PDE1A: variants seen among roughly 807,000 people sequenced by gnomAD.
PDE1A encodes dual specificity calcium/calmodulin-dependent 3',5'-cyclic nucleotide phosphodiesterase 1A.
A neutral mutation model predicts 61.7 loss-of-function variants in PDE1A; 35 were observed. That is an observed-to-expected ratio of 0.57 (90% confidence interval 0.43 to 0.75). The LOEUF (loss-of-function observed/expected upper bound fraction) is 0.75. Among genes scored for constraint, PDE1A ranks in the 30% least tolerant of loss-of-function variants. The pLI, the probability that PDE1A is intolerant of heterozygous loss-of-function variation, is 0.00. For synonymous variants in PDE1A, 232 were observed against 213.2 expected, an observed-to-expected ratio of 1.09 and a Z score of -0.77; for missense variants, 597 against 630.6, an observed-to-expected ratio of 0.95 and a Z score of 0.57.
At chr2:182,530,358 A>G in the PDE1A span, among the ~76,000 whole-genome samples, 4 of 151,198 alleles carry the variant, frequency 2.6e-5, no homozygotes, top group Non-Finnish European at 4.4e-5. Flanking sequence ...GGGGGGTGGG[A>G]AAACTCAAAG....
chr2:182,385,267 C>CT (rs1700962117), intron 1 of PDE1A, among the ~76,000 whole-genome samples: 1 of 152,134 alleles, frequency 6.6e-6, no homozygotes, highest in South Asian at 2.1e-4. Flanking sequence ...TCATCATACT[C>CT]TAATACTATA....
At chr2:182,202,118 A>G (rs570153444) in intron 8 of PDE1A, among the ~76,000 whole-genome samples, 12 of 152,292 alleles carry the variant, frequency 7.9e-5, no homozygotes, top group Non-Finnish European at 1.2e-4. Flanking sequence ...AACTTTAGCC[A>G]TTTTAAAGAA....
the PDE1A span, among the ~76,000 whole-genome samples, chr2:182,705,051 T>C: frequency 1.3e-5 from 2 of 152,214 alleles, no homozygotes; most frequent in Non-Finnish European, 2.9e-5. Context: ...GTTCTCTTAC[T>C]TCTGCAACTG....
intron 13 of PDE1A, among the ~76,000 whole-genome samples, chr2:182,179,243 A>G (rs758470526): frequency 1.8e-4 from 27 of 152,218 alleles, no homozygotes; most frequent in Non-Finnish European, 1.8e-4. Flanking sequence ...ATATTTAAAA[A>G]GTATCTGCAC....
chr2:182,513,586 T>G (rs2082136), intron 2 of PDE1A, among the ~76,000 whole-genome samples: 63,648 of 152,036 alleles, frequency 0.42, 13,695 homozygotes, highest in Middle Eastern at 0.54. Flanking sequence ...GATCAAATCT[T>G]CACATATCGA....
chr2:182,700,366 G>A, the PDE1A span, among the ~76,000 whole-genome samples: 1 of 16,500 alleles, frequency 6.1e-5, no homozygotes, highest in Non-Finnish European at 1.2e-4. Context: ...GAGGTCAGGA[G>A]TGAGTTCGAG....
At chr2:182,657,209 G>T in the PDE1A span, among the ~76,000 whole-genome samples, 1 of 152,068 alleles carries the variant, frequency 6.6e-6, no homozygotes, top group East Asian at 1.9e-4. Flanking sequence ...GTGACAGATC[G>T]AGACTCCGTC....
chr2:182,687,294 G>A, the PDE1A span, among the ~76,000 whole-genome samples: 1 of 152,222 alleles, frequency 6.6e-6, no homozygotes, highest in African/African-American at 2.4e-5. Flanking sequence ...AGTAGGGGCA[G>A]ACTGACACCA....
chr2:182,141,621 T>G (rs932906191), exon 15 of PDE1A: 1 of 152,216 alleles, frequency 6.6e-6, no homozygotes, highest in Non-Finnish European at 1.5e-5. Context: ...ATATAGAATA[T>G]GGCTTACACA....
chr2:182,239,562 G>A (rs530503510), intron 3 of PDE1A, among the ~76,000 whole-genome samples: 6 of 151,794 alleles, frequency 4.0e-5, no homozygotes, highest in South Asian at 2.1e-4. Flanking sequence ...ATAACTAGGC[G>A]TTTCTAGGGG....
intron 1 of PDE1A, among the ~76,000 whole-genome samples, chr2:182,298,155 T>C (rs1001312970): frequency 9.2e-5 from 14 of 152,244 alleles, no homozygotes; most frequent in East Asian, 3.9e-4. Flanking sequence ...CTGTGAAGAA[T>C]TGGGATAAAA....
chr2:182,679,456 C>T, the PDE1A span, among the ~76,000 whole-genome samples: 2 of 151,146 alleles, frequency 1.3e-5, no homozygotes, highest in African/African-American at 4.9e-5. Flanking sequence ...GCGCCTCAGC[C>T]TCCCAAAGTG....
chr2:182,694,749 A>G, the PDE1A span, among the ~76,000 whole-genome samples: 3 of 151,944 alleles, frequency 2.0e-5, no homozygotes, highest in South Asian at 6.3e-4. Flanking sequence ...GACTCCTGAG[A>G]AAATGGATTA....
intron 1 of PDE1A, among the ~76,000 whole-genome samples, chr2:182,416,782 CATAA>C (rs1366516638): frequency 6.6e-6 from 1 of 152,148 alleles, no homozygotes; most frequent in East Asian, 1.9e-4. Flanking sequence ...AAGCATTATA[CATAA>C]ATAGACTGTT....
chr2:182,512,275 A>G (rs1689849751), intron 2 of PDE1A, among the ~76,000 whole-genome samples: 1 of 152,186 alleles, frequency 6.6e-6, no homozygotes, highest in Non-Finnish European at 1.5e-5. Flanking sequence ...AAGGGGCCAT[A>G]AAACAAAGTC....
chr2:182,501,050 T>C (rs1287379961), intron 2 of PDE1A, among the ~76,000 whole-genome samples: 1 of 152,216 alleles, frequency 6.6e-6, no homozygotes. Flanking sequence ...AAGGAACAAT[T>C]AATTGCTTGC....
intron 1 of PDE1A, among the ~76,000 whole-genome samples, chr2:182,423,507 C>T (rs1192317051): frequency 6.6e-6 from 1 of 152,162 alleles, no homozygotes; most frequent in Non-Finnish European, 1.5e-5. Context: ...CTTTTACTTT[C>T]TGAAACTTAG....
downstream of PDE1A, among the ~76,000 whole-genome samples, chr2:182,166,989 C>T (rs1319576420): frequency 2.0e-5 from 3 of 152,140 alleles, no homozygotes; most frequent in African/African-American, 7.2e-5. Context: ...TAACCTTAAA[C>T]TGAATTATGT....
chr2:182,612,084 A>G, the PDE1A span, among the ~76,000 whole-genome samples: 1 of 152,230 alleles, frequency 6.6e-6, no homozygotes, highest in African/African-American at 2.4e-5. Flanking sequence ...GCCCAGTACT[A>G]ATTTCGTCCA....
Sources: allele counts gnomAD v4.1 joint callset (sites outside exome capture counted in the v4.1 genomes callset), GRCh38; gene constraint gnomAD v4.1.1; transcripts MANE v1.5; gene names NCBI Gene and HGNC (gene_info 2026-07-23, HGNC 2026-07-21).